Variants in ACSM5 observed in about 807,000 individuals in gnomAD.
ACSM5 encodes acyl-coenzyme A synthetase ACSM5, mitochondrial.
A neutral mutation model predicts 71.6 loss-of-function variants in ACSM5; 56 were observed. The ratio of observed to expected loss-of-function variants is 0.78; its 90% CI spans 0.63 to 0.98. The LOEUF (loss-of-function observed/expected upper bound fraction) is 0.98, where lower values mean the gene tolerates loss of function less well. Ranked by LOEUF, ACSM5 falls within the 50% of genes least tolerant of loss-of-function variation. ACSM5 has a pLI of 0.00. For synonymous variants in ACSM5, 285 were observed against 281.5 expected (o/e 1.01, Z -0.12); for missense variants, 723 against 726.0 (o/e 1.00, Z 0.05).
intron 3 of ACSM5, 103 bp from the exon 4 acceptor site, chr16:20,419,125 A>G (rs765578542): frequency 5.4e-5 from 52 of 956,782 alleles, no homozygotes; most frequent in Non-Finnish European, 4.1e-5. Context: ...CTTCCAGCTC[A>G]TGCATTCCAA....
At chr16:20,420,290 G>C (rs749082360) in intron 4 of ACSM5, among the ~76,000 whole-genome samples, 1 of 152,108 alleles carries the variant, frequency 6.6e-6, no homozygotes, top group Non-Finnish European at 1.5e-5. Flanking sequence ...AGAGCCCTGG[G>C]GATCTTTTTT....
intron 5 of ACSM5, among the ~76,000 whole-genome samples, chr16:20,422,476 A>G (rs1966898733): frequency 6.6e-6 from 1 of 152,166 alleles, no homozygotes; most frequent in South Asian, 2.1e-4. Flanking sequence ...CATTTTGGCT[A>G]TTGTCAATAA....
intron 9 of ACSM5, 37 bp from the exon 10 acceptor site, chr16:20,431,183 A>G (rs749929942): frequency 6.3e-7 from 1 of 1,598,358 alleles, no homozygotes; most frequent in African/African-American, 1.3e-5. Context: ...GGGTGTAGAC[A>G]CTCACGTATG....
At chr16:20,415,532 C>G (rs558607194) in intron 2 of ACSM5, among the ~76,000 whole-genome samples, 2 of 152,290 alleles carry the variant, frequency 1.3e-5, no homozygotes, top group East Asian at 3.9e-4. Flanking sequence ...GAAATACTGC[C>G]ATCTTGTACT....
intron 10 of ACSM5, among the ~76,000 whole-genome samples, chr16:20,436,104 C>CTTTG (rs1342474389): frequency 2.2e-5 from 3 of 134,272 alleles, no homozygotes; most frequent in African/African-American, 8.6e-5. Context: ...CTCTTTCTTT[C>CTTTG]TTTCTTTTTC....
chr16:20,438,619 A>G (rs1967251211), intron 12 of ACSM5, among the ~76,000 whole-genome samples: 1 of 151,682 alleles, frequency 6.6e-6, no homozygotes, highest in South Asian at 2.1e-4. Context: ...CTCAAACTTA[A>G]TCCATGTATG....
At chr16:20,434,870 C>T (rs35378979) in intron 10 of ACSM5, among the ~76,000 whole-genome samples, 13,445 of 152,202 alleles carry the variant, frequency 0.088, 719 homozygotes, top group East Asian at 0.19. Flanking sequence ...TTATTCAACT[C>T]ATTTAGAAGT....
intron 12 of ACSM5, among the ~76,000 whole-genome samples, chr16:20,438,276 G>A (rs1384753757): frequency 6.6e-6 from 1 of 151,960 alleles, no homozygotes; most frequent in African/African-American, 2.4e-5. Context: ...ACATTAGCCT[G>A]CATTCTCAGA....
chr16:20,419,299 G>T lies in ACSM5; in HGVS notation c.487G>T (p.Ala163Ser), dbSNP rs1220198713. Residue 163 changes from alanine to serine, a missense_variant, in exon 4 of 14, where the codon GCC becomes TCC. Coordinates refer to ENST00000331849, the MANE Select transcript of ACSM5 (RefSeq NM_017888.3). ...DLKYRLQASRAKSIITSDSLA... is the reference protein window; with the variant it reads ...DLKYRLQASRSKSIITSDSLA... ...CAAGTACCGGCTGCAGGCGTCCAGG[G>T]CCAAGTCCATTATCACCAGTGACTC... The T allele has an allele frequency of 3.7e-6, 6 of 1,614,078 alleles. No individual in the cohort carries two copies. The highest frequency in any genetic ancestry group is 4.2e-6 in the Non-Finnish European group (5 of 1,180,002).
At position 20,419,491 on chromosome 16, in the gene ACSM5, A is replaced by G. The variant is rs1966868989; in HGVS notation, c.623+56A>G. 4.5e-6 allele frequency: 7 copies of G among 1,547,758 alleles called. No individual in the cohort carries two copies. In the East Asian group the frequency reaches 1.4e-4, roughly 30 times the overall value. On this transcript the variant is annotated intron_variant, in intron 4 of 13. Transcript: ENST00000331849. ...AATGAAGTCATTTCCCCTTTAAGCA[A>G]CAAAAGATGAAATGCATTGCTGATT...
chr16:20,414,563 G>C (rs1237127757), intron 2 of ACSM5, among the ~76,000 whole-genome samples: 1 of 152,164 alleles, frequency 6.6e-6, no homozygotes, highest in African/African-American at 2.4e-5. Context: ...GAACTATAAG[G>C]CTGTATATTT....
intron 5 of ACSM5, among the ~76,000 whole-genome samples, chr16:20,421,656 T>G (rs570141658): frequency 1.2e-4 from 13 of 106,074 alleles, no homozygotes; most frequent in Admixed American, 2.9e-4. Context: ...TATATATATA[T>G]ACACACACAC....
At chr16:20,428,704 T>A (rs1967036815) in intron 7 of ACSM5, among the ~76,000 whole-genome samples, 1 of 152,194 alleles carries the variant, frequency 6.6e-6, no homozygotes, top group African/African-American at 2.4e-5. Flanking sequence ...TGATCTGATG[T>A]GTGCATCTCC....
intron 2 of ACSM5, among the ~76,000 whole-genome samples, chr16:20,412,852 T>C (rs1288569923): frequency 6.6e-6 from 1 of 152,196 alleles, no homozygotes; most frequent in Non-Finnish European, 1.5e-5. Flanking sequence ...AGAGATTGTT[T>C]AAAGAAAAAA....
intron 7 of ACSM5, among the ~76,000 whole-genome samples, chr16:20,429,097 G>C (rs1358239231): frequency 2.0e-5 from 3 of 152,042 alleles, no homozygotes; most frequent in Non-Finnish European, 4.4e-5. Context: ...TGCAACATCT[G>C]CCTCCCAGGT....
At chr16:20,427,662 G>A (rs565781191) in intron 6 of ACSM5, 126 bp from the exon 7 acceptor site, 859 of 735,692 alleles carry the variant, frequency 1.2e-3, no homozygotes, top group Non-Finnish European at 1.8e-3. Flanking sequence ...CTTGGCTGCT[G>A]GATTCCACAC....
chr16:20,435,016 C>G (rs1967165430), intron 10 of ACSM5, among the ~76,000 whole-genome samples: 1 of 152,144 alleles, frequency 6.6e-6, no homozygotes, highest in South Asian at 2.1e-4. Flanking sequence ...ATTGACATCT[C>G]TATTAATTAA....
rs200280190 is a variant in ACSM5 at position 20,418,996 on chromosome 16, G to T, written c.416-232G>T. Among the ~76,000 whole-genome samples, 36 of 152,266 alleles carry T rather than the reference G, an allele frequency of 2.4e-4. No homozygotes were observed. The East Asian group carries it at 6.4e-3, about 27-fold the overall frequency. The stretch of plus-strand genomic sequence containing the variant: ...GAATGGTTCCTTCAGCAGAGAAACA[G>T]AGGAGGAAAGAGGCCACAGTGAGCC... On this transcript the variant is annotated intron_variant, in intron 3 of 13. Coordinates refer to ENST00000331849, the MANE Select transcript of ACSM5 (RefSeq NM_017888.3).
Position 20,440,496 on chromosome 16 carries a change from C to A in ACSM5, c.*69C>A. The A allele has an allele frequency of 1.4e-6, 2 of 1,381,490 alleles. No individual in the cohort carries two copies. The highest frequency in any genetic ancestry group is 1.4e-5 in the African/African-American group (1 of 70,782). The allele number at this position is 1,381,490 out of a possible 1,614,324, so 85.6% of individuals were successfully genotyped here. On this transcript the variant is annotated 3_prime_UTR_variant, in exon 14 of 14. Transcript: ENST00000331849. ...AGAAACTAATGGATCACTGGTCAGT[C>A]CCCATGGGGAGCATCATCTCTTCGA... is the stretch of plus-strand genomic sequence containing the variant.
Sources: allele counts gnomAD v4.1 joint callset (sites outside exome capture counted in the v4.1 genomes callset), GRCh38; gene constraint gnomAD v4.1.1; transcripts MANE v1.5; gene names NCBI Gene and HGNC (gene_info 2026-07-23, HGNC 2026-07-21).